The following ZNF350 variants were observed in gnomAD, a reference collection of about 807,000 sequenced individuals.
The protein encoded by ZNF350 is zinc finger protein 350, also known as KRAB zinc finger protein ZFQR.
ZNF350 carries 5 observed loss-of-function variants against 13.1 expected under a neutral mutation model. That is an observed-to-expected ratio of 0.38 (90% confidence interval 0.20 to 0.80). The LOEUF is 0.80. ZNF350 is among the 30% of genes least tolerant of loss of function. The pLI is 0.43. For missense variants in ZNF350, 534 were observed against 644.2 expected, an observed-to-expected ratio of 0.83 and a Z score of 1.85; for synonymous variants, 199 against 224.2, an observed-to-expected ratio of 0.89 and a Z score of 1.00.
At position 51,965,286 on chromosome 19, in the gene ZNF350, G is replaced by A. The variant is rs2122859785; in HGVS notation, c.1167C>T (p.Leu389=). The change falls in exon 5 of 5, where the codon CTC becomes CTT. Residue 389 remains leucine (L), a synonymous_variant. Coordinates refer to ENST00000243644, the MANE Select transcript of ZNF350 (RefSeq NM_021632.4). The part of the protein sequence containing the change: ...CGKAFSTKQK[L]IVHQRTHTGE... Reference sequence around the variant, plus strand: ...CTGTATGAGTCCTTTGATGGACAATGAGCTTTTGCTTTGTGCTAAAGGCTT... The same window carrying A: ...CTGTATGAGTCCTTTGATGGACAATAAGCTTTTGCTTTGTGCTAAAGGCTT... 1.2e-6 allele frequency: 2 copies of A among 1,614,028 alleles called. No individual in the cohort carries two copies. The highest frequency in any genetic ancestry group is 4.5e-5 in the East Asian group (2 of 44,878).
intron 2 of ZNF350, among the ~76,000 whole-genome samples, chr19:51,970,991 TG>T (rs2085720810): frequency 6.6e-6 from 1 of 152,206 alleles, no homozygotes; most frequent in Admixed American, 6.5e-5. Context: ...AGCCCAACCT[TG>T]AAGACCATTT....
intron 1 of ZNF350, among the ~76,000 whole-genome samples, chr19:51,979,112 G>A (rs558420469): frequency 1.3e-5 from 2 of 152,218 alleles, no homozygotes; most frequent in Admixed American, 1.3e-4. Flanking sequence ...CAAAGATGGA[G>A]AGAAGGCCAA....
intron 2 of ZNF350, chr19:51,973,956 T>C (rs978263959): frequency 3.5e-5 from 6 of 172,572 alleles, no homozygotes; most frequent in Non-Finnish European, 7.5e-5. Flanking sequence ...CTGAAGAAAT[T>C]TCCTGAGACC....
chr19:51,981,771 A>G (rs1202063853), intron 1 of ZNF350, among the ~76,000 whole-genome samples: 3 of 152,224 alleles, frequency 2.0e-5, no homozygotes, highest in Non-Finnish European at 4.4e-5. Flanking sequence ...ATTCATAGAA[A>G]TACACCATAT....
chr19:51,968,472 T>C (rs2085639193), intron 4 of ZNF350, 106 bp downstream of exon 4: 2 of 949,156 alleles, frequency 2.1e-6, no homozygotes, highest in Non-Finnish European at 3.4e-6. Flanking sequence ...GACAGATGAG[T>C]AGAGGAACTG....
intron 3 of ZNF350, 112 bp from the exon 4 acceptor site, chr19:51,968,785 T>C (rs2085649727): frequency 1.4e-6 from 2 of 1,422,034 alleles, no homozygotes; most frequent in South Asian, 1.3e-5. Context: ...ACCCAAAATT[T>C]AGTTTCTTAT....
chr19:51,968,505 T>G, intron 4 of ZNF350, 73 bp downstream of exon 4: 2 of 1,340,938 alleles, frequency 1.5e-6, no homozygotes, highest in Non-Finnish European at 2.1e-6. Flanking sequence ...CAAACCCCCT[T>G]CACAGCTGTG....
rs1305525045 is a variant in ZNF350, at chr19:51,974,565, T to TA, written c.-171-35dup. The TA allele has an allele frequency of 3.4e-5, 20 of 585,692 alleles. No homozygotes were observed. In the African/African-American group the frequency reaches 3.7e-4, roughly 11 times the overall value. The allele number at this position is 585,692 out of a possible 1,614,324, so 36.3% of individuals were successfully genotyped here. ...TGAAGAGCAAATTCAATGTAAGTGG[T>TA]ACATTTTTTCCAGGCCCAGATACTG... On this transcript the variant is annotated intron_variant, in intron 1 of 4. Coordinates refer to ENST00000243644, the MANE Select transcript of ZNF350 (RefSeq NM_021632.4).
At chr19:51,972,619 C>A (rs948691545) in intron 2 of ZNF350, among the ~76,000 whole-genome samples, 1 of 151,906 alleles carries the variant, frequency 6.6e-6, no homozygotes, top group Non-Finnish European at 1.5e-5. Flanking sequence ...AAATATGATT[C>A]TATCATGTAA....
At chr19:51,971,785 CTT>C (rs2085745151) in intron 2 of ZNF350, among the ~76,000 whole-genome samples, 1 of 152,080 alleles carries the variant, frequency 6.6e-6, no homozygotes, top group African/African-American at 2.4e-5. Context: ...TGTCTCTTGT[CTT>C]TTATTCCTGT....
intron 1 of ZNF350, among the ~76,000 whole-genome samples, chr19:51,984,450 A>G (rs1466775577): frequency 6.6e-6 from 1 of 152,218 alleles, no homozygotes; most frequent in Non-Finnish European, 1.5e-5. Context: ...CAACCACTTT[A>G]GAAAACAGTT....
At chr19:51,982,391 C>T (rs1174484020) in intron 1 of ZNF350, among the ~76,000 whole-genome samples, 1 of 152,212 alleles carries the variant, frequency 6.6e-6, no homozygotes, top group Non-Finnish European at 1.5e-5. Context: ...AGTATTTTCC[C>T]AGGCAGCTGT....
intron 4 of ZNF350, chr19:51,967,229 C>G (rs1458528155): frequency 6.6e-6 from 1 of 152,050 alleles, no homozygotes; most frequent in South Asian, 2.1e-4. Context: ...CCATTTCGTC[C>G]AAAGAACAGA....
At chr19:51,979,866 A>G (rs538172430) in intron 1 of ZNF350, among the ~76,000 whole-genome samples, 1 of 152,316 alleles carries the variant, frequency 6.6e-6, no homozygotes, top group Admixed American at 6.5e-5. Context: ...GCAGAATCCA[A>G]TCCCAGTCTG....
chr19:51,982,790 T>C (rs1441517986), intron 1 of ZNF350, among the ~76,000 whole-genome samples: 1 of 152,040 alleles, frequency 6.6e-6, no homozygotes, highest in African/African-American at 2.4e-5. Context: ...AACAGGCAAA[T>C]AGGACAAAGG....
intron 1 of ZNF350, chr19:51,982,018 T>C (rs913390930): frequency 6.6e-6 from 1 of 152,052 alleles, no homozygotes; most frequent in Non-Finnish European, 1.5e-5. Flanking sequence ...GCAGTCTTTC[T>C]GATAGGGGTT....
chr19:51,971,459 C>T (rs960492880), intron 2 of ZNF350, among the ~76,000 whole-genome samples: 1 of 152,198 alleles, frequency 6.6e-6, no homozygotes, highest in Non-Finnish European at 1.5e-5. Flanking sequence ...GTGACCAACT[C>T]AGCATTCCAC....
intron 1 of ZNF350, among the ~76,000 whole-genome samples, chr19:51,985,796 C>G (rs555176919): frequency 6.6e-6 from 1 of 152,294 alleles, no homozygotes; most frequent in East Asian, 1.9e-4. Context: ...CACCTGAGGT[C>G]AGGAGTTCGA....
intron 1 of ZNF350, among the ~76,000 whole-genome samples, chr19:51,982,498 T>C (rs1361152552): frequency 2.6e-5 from 4 of 152,232 alleles, no homozygotes; most frequent in Non-Finnish European, 5.9e-5. Context: ...AACTCGAATA[T>C]ATTTTTAAAA....
Sources: gnomAD v4.1 joint callset for allele counts (sites outside exome capture counted in the v4.1 genomes callset) on GRCh38, gnomAD v4.1.1 for gene constraint, MANE v1.5 for transcripts, NCBI Gene and HGNC (gene_info 2026-07-23, HGNC 2026-07-21) for gene names.